NFATC3: variants seen among roughly 807,000 people sequenced by gnomAD.
NFATC3 encodes the protein nuclear factor of activated T-cells, cytoplasmic 3.
Under a neutral mutation model 98.6 loss-of-function variants are expected in NFATC3, and 46 were observed. The observed-to-expected ratio is 0.47, with a 90% CI of 0.37 to 0.60. The LOEUF is 0.60. Among genes scored for constraint, NFATC3 ranks in the 20% least tolerant of loss-of-function variants. The pLI, the probability that NFATC3 is intolerant of heterozygous loss-of-function variation, is 0.00. For synonymous variants in NFATC3, 512 were observed against 472.2 expected (o/e 1.08, Z -1.09); for missense variants, 1,256 against 1,295.5 (o/e 0.97, Z 0.47).
At position 68,160,064 on chromosome 16, in the gene NFATC3, CAAAAA is replaced by C. The variant is rs558048145; in HGVS notation, c.1601+1997_1601+2001del. On this transcript the variant is annotated intron_variant, in intron 4 of 9. Transcript: ENST00000346183. Reference sequence around the variant, plus strand: ...TTGCATCAAGAGCGAAACTCCGACTCAAAAAGAAAAAGAAACCCCAAAAAATCAGA... The same window carrying C: ...TTGCATCAAGAGCGAAACTCCGACTCGAAAAAGAAACCCCAAAAAATCAGA... 1.9e-3 allele frequency among the ~76,000 whole-genome samples: 295 copies of C among 151,836 alleles called. 4 individuals are homozygous for C. In the South Asian group the frequency reaches 0.031, roughly 16 times the overall value.
chr16:68,165,905 G>A (rs1169537149), intron 4 of NFATC3, among the ~76,000 whole-genome samples: 1 of 152,132 alleles, frequency 6.6e-6, no homozygotes, highest in Non-Finnish European at 1.5e-5. Context: ...GAATAACAAA[G>A]GTATTTTGTA....
chr16:68,163,376 C>T (rs967546538), intron 4 of NFATC3, among the ~76,000 whole-genome samples: 56 of 148,732 alleles, frequency 3.8e-4, no homozygotes, highest in African/African-American at 1.4e-3. Context: ...GCTGACCCCA[C>T]CACCTCCCTC....
At chr16:68,138,651 C>T in intron 3 of NFATC3, 1 of 1,288,794 alleles carries the variant, frequency 7.8e-7, no homozygotes. Context: ...TCACCACTTA[C>T]AATTTTTTGG....
At chr16:68,212,264 T>G (rs2041439820) in intron 9 of NFATC3, 1 of 152,210 alleles carries the variant, frequency 6.6e-6, no homozygotes, top group African/African-American at 2.4e-5. Context: ...ACCAAAGGAT[T>G]TCTGGATTTT....
At position 68,192,230 on chromosome 16, in the gene NFATC3, A is replaced by AAAAATATAT. The variant is rs1555522047; in HGVS notation, c.3106+456_3106+457insAAATATATA. On this transcript the variant is annotated intron_variant, in intron 9 of 9. Coordinates refer to ENST00000346183, the MANE Select transcript of NFATC3 (RefSeq NM_173165.3). ...CTCGGGAAAAAAAAAAAAAAAAAAAAATATATATATATATATATATATATG... is the reference window on the plus strand; with the variant it reads ...CTCGGGAAAAAAAAAAAAAAAAAAAAAAAATATATATATATATATATATATATATATATG... 1.0e-3 allele frequency: 85 copies of AAAAATATAT among 82,580 alleles called. 3 individuals are homozygous for AAAAATATAT. Among genetic ancestry groups the AAAAATATAT allele is most frequent in the African/African-American group, 4.4e-3 (77 of 17,440 alleles). The allele number at this position is 82,580 out of a possible 1,614,324, so 5.1% of individuals were successfully genotyped here. A position where few individuals can be genotyped will look rare whatever the true frequency, so the allele number is the denominator to read the frequency against.
rs529370580 is a variant in NFATC3, at chr16:68,093,299, T to A, written c.103+7515T>A. On this transcript the variant is annotated intron_variant, in intron 1 of 9. Transcript: ENST00000346183. The stretch of plus-strand genomic sequence containing the variant: ...CTAGATTCATTTCTGTTGCTAATTG[T>A]GTGATACTGCTAAAAAGCATAGAGT... Among the ~76,000 whole-genome samples the A allele has an allele frequency of 2.7e-5, 4 of 150,918 alleles. No individual in the cohort carries two copies. The South Asian group carries it at 8.6e-4, about 32-fold the overall frequency.
chr16:68,192,052 C>T, intron 9 of NFATC3: 1 of 289,416 alleles, frequency 3.5e-6, no homozygotes, highest in East Asian at 8.4e-5. Context: ...ACTAAAAATA[C>T]AAAAAATTAG....
chr16:68,100,775 T>C lies in NFATC3; in HGVS notation c.103+14991T>C, dbSNP rs552003616. Reference sequence around the variant, plus strand: ...ATATTCTTCTCATGACTAATACTGTTGACCATTGTTTTATGTGATTTTTGC... The same window carrying C: ...ATATTCTTCTCATGACTAATACTGTCGACCATTGTTTTATGTGATTTTTGC... On this transcript the variant is annotated intron_variant, in intron 1 of 9. Coordinates refer to ENST00000346183, the MANE Select transcript of NFATC3 (RefSeq NM_173165.3). Among the ~76,000 whole-genome samples the C allele has an allele frequency of 5.3e-5, 8 of 152,212 alleles. No individual in the cohort carries two copies. The South Asian group carries it at 1.7e-3, about 32-fold the overall frequency.
In NFATC3 at chr16:68,085,385, A is replaced by G. The variant is rs1297251873; in HGVS notation, c.-297A>G. 5.5e-6 allele frequency: 1 copy of G among 183,388 alleles called. No homozygotes were observed. Among genetic ancestry groups the G allele is most frequent in the African/African-American group, 2.9e-5 (1 of 33,972 alleles). 11.4% of individuals were successfully genotyped at this position (183,388 alleles called of 1,614,324 possible). ...GGCGCGCGGCAGGGCGCGAGAGCGC[A>G]CCCGCGGCGGCGGTGGCGGCGACTG... On this transcript the variant is annotated 5_prime_UTR_variant, in exon 1 of 10. Coordinates refer to ENST00000346183, the MANE Select transcript of NFATC3 (RefSeq NM_173165.3).
Position 68,122,755 on chromosome 16 carries a change from A to T in NFATC3, c.872A>T (p.His291Leu). 6.2e-7 allele frequency: 1 copy of T among 1,613,922 alleles called. No homozygotes were observed. Among genetic ancestry groups the T allele is most frequent in the African/African-American group, 1.3e-5 (1 of 74,924 alleles). ...TATGCTGGGTCCCTTTCACCCCATC[A>T]CTCACCTGTTCCTTCACCTGGTCAC... Reference protein sequence around the residue: ...VCYAGSLSPHHSPVPSPGHSP... With the variant: ...VCYAGSLSPHLSPVPSPGHSP... The change falls in exon 2 of 10, where the codon CAC becomes CTC. Residue 291 changes from histidine to leucine, a missense_variant. Physicochemically the swap from His to Leu is moderately conservative, Grantham distance 99. Transcript: ENST00000346183.
At chr16:68,185,513 G>A (rs1275472780) in intron 8 of NFATC3, among the ~76,000 whole-genome samples, 10 of 152,004 alleles carry the variant, frequency 6.6e-5, no homozygotes, top group Non-Finnish European at 1.2e-4. Flanking sequence ...ATTGCAATAA[G>A]GAAAAGCAAA....
chr16:68,120,078 G>A lies in NFATC3; in HGVS notation c.104-1909G>A, dbSNP rs181721490. 1.8e-4 allele frequency among the ~76,000 whole-genome samples: 26 copies of A among 141,900 alleles called. 1 individual carries two copies. The highest frequency in any genetic ancestry group is 6.6e-4 in the African/African-American group (25 of 37,742). 93.1% of individuals were successfully genotyped at this position (141,900 alleles called of 152,430 possible). ...GGATTGCCTGAGCCCAGGAGTTCAA[G>A]ATTAGGCTGGGCAACAAAACGAGAC... is the stretch of plus-strand genomic sequence containing the variant. On this transcript the variant is annotated intron_variant, in intron 1 of 9. Coordinates refer to ENST00000346183, the MANE Select transcript of NFATC3 (RefSeq NM_173165.3).
chr16:68,164,361 G>A (rs943059670), intron 4 of NFATC3, among the ~76,000 whole-genome samples: 4 of 152,124 alleles, frequency 2.6e-5, no homozygotes, highest in African/African-American at 9.7e-5. Flanking sequence ...GCTTCGGCTC[G>A]GTATCAGAGG....
chr16:68,110,163 C>T (rs1020276761), intron 1 of NFATC3, among the ~76,000 whole-genome samples: 4 of 152,088 alleles, frequency 2.6e-5, no homozygotes, highest in Admixed American at 2.0e-4. Flanking sequence ...CACCACCACA[C>T]TGGGCTAATT....
At chr16:68,204,414 TA>T (rs771179472) in intron 9 of NFATC3, among the ~76,000 whole-genome samples, 6 of 152,238 alleles carry the variant, frequency 3.9e-5, no homozygotes, top group African/African-American at 1.4e-4. Context: ...GATAAACTCA[TA>T]TTTTTTTTGA....
chr16:68,204,993 C>CTTTTT (rs993093946), intron 9 of NFATC3, among the ~76,000 whole-genome samples: 3 of 121,246 alleles, frequency 2.5e-5, no homozygotes, highest in Admixed American at 1.7e-4. Context: ...ATGCCTGGCT[C>CTTTTT]TTTTTTTTTT....
intron 4 of NFATC3, among the ~76,000 whole-genome samples, chr16:68,162,808 G>T (rs1264764741): frequency 6.6e-6 from 1 of 151,720 alleles, no homozygotes; most frequent in African/African-American, 2.4e-5. Flanking sequence ...ATTTGGCAGG[G>T]TCATAGGACA....
intron 1 of NFATC3, among the ~76,000 whole-genome samples, chr16:68,116,542 G>A (rs780460459): frequency 6.6e-6 from 1 of 152,138 alleles, no homozygotes; most frequent in Non-Finnish European, 1.5e-5. Flanking sequence ...AGGACTGTTC[G>A]TCATAGTTAG....
chr16:68,195,109 A>G (rs909002496), intron 9 of NFATC3, among the ~76,000 whole-genome samples: 2 of 151,462 alleles, frequency 1.3e-5, no homozygotes, highest in African/African-American at 4.8e-5. Flanking sequence ...AAAAAAAAAA[A>G]GCCAGCGTGG....
Sources: gnomAD v4.1 joint callset for allele counts (sites outside exome capture counted in the v4.1 genomes callset) on GRCh38, gnomAD v4.1.1 for gene constraint, MANE v1.5 for transcripts, NCBI Gene and HGNC (gene_info 2026-07-23, HGNC 2026-07-21) for gene names.